DOCK3: variants seen among roughly 807,000 people sequenced by gnomAD.
DOCK3 encodes the protein dedicator of cytokinesis protein 3.
Under a neutral mutation model 265.6 loss-of-function variants are expected in DOCK3, and 60 were observed. That is an observed-to-expected ratio of 0.23 (90% confidence interval 0.18 to 0.28). The LOEUF is 0.28. Ranked by LOEUF, DOCK3 falls within the 10% of genes least tolerant of loss-of-function variation. DOCK3 has a pLI of 1.00. For missense variants in DOCK3, 1,981 were observed against 2,594.3 expected, an observed-to-expected ratio of 0.76 and a Z score of 5.14; for synonymous variants, 881 against 938.0, an observed-to-expected ratio of 0.94 and a Z score of 1.11.
intron 21 of DOCK3, among the ~76,000 whole-genome samples, chr3:51,241,345 C>G (rs56052360): frequency 0.07 from 10,611 of 152,184 alleles, 943 homozygotes; most frequent in East Asian, 0.32. Context: ...CTCTAAATGC[C>G]TTTAACATTT....
chr3:51,336,948 C>G (rs1560459979), intron 35 of DOCK3: 2 of 453,348 alleles, frequency 4.4e-6, no homozygotes, highest in South Asian at 3.1e-5. Flanking sequence ...ATGCCTTCTA[C>G]CATTGTGTGG....
At chr3:50,855,654 CTTATTTAT>C (rs562663180) in intron 3 of DOCK3, among the ~76,000 whole-genome samples, 65 of 151,888 alleles carry the variant, frequency 4.3e-4, no homozygotes, top group Admixed American at 2.3e-3. Context: ...CCTTTTATTT[CTTATTTAT>C]TTATTTATTT....
intron 5 of DOCK3, among the ~76,000 whole-genome samples, chr3:51,024,432 C>T (rs961848146): frequency 6.6e-6 from 1 of 152,098 alleles, no homozygotes; most frequent in African/African-American, 2.4e-5. Flanking sequence ...ATGTAATACC[C>T]AATGGTGGGC....
In DOCK3 at chr3:51,239,572, TTG is replaced by T. The variant is rs2078511572; in HGVS notation, c.2102+1984_2102+1985del. On this transcript the variant is annotated intron_variant, in intron 21 of 52. Coordinates refer to ENST00000266037, the MANE Select transcript of DOCK3 (RefSeq NM_004947.5). ...GGTCCTGGGTTTTTTTTTTGTTTGT[TTG>T]TTTTTTGTTTTTTTTGTTTTTTTTT... 4.0e-5 allele frequency among the ~76,000 whole-genome samples: 5 copies of T among 125,514 alleles called. No homozygotes were observed. In the South Asian group the frequency reaches 1.2e-3, roughly 30 times the overall value. The allele number at this position is 125,514 out of a possible 152,430, so 82.3% of individuals were successfully genotyped here. A position where few individuals can be genotyped will look rare whatever the true frequency, so the allele number is the denominator to read the frequency against.
At chr3:51,365,367 T>C (rs1423574087) in intron 49 of DOCK3, among the ~76,000 whole-genome samples, 4 of 152,332 alleles carry the variant, frequency 2.6e-5, no homozygotes, top group East Asian at 1.9e-4. Flanking sequence ...AGTTGCTTAT[T>C]AGCTTAAGGA....
chr3:50,986,592 G>A (rs1031612476), intron 5 of DOCK3, among the ~76,000 whole-genome samples: 5 of 152,104 alleles, frequency 3.3e-5, no homozygotes, highest in African/African-American at 9.7e-5. Flanking sequence ...ATTATAGTTT[G>A]CATTGCTTTT....
chr3:50,704,757 G>C (rs6784819), intron 1 of DOCK3, among the ~76,000 whole-genome samples: 145,101 of 152,088 alleles, frequency 0.95, 69,636 homozygotes, highest in East Asian at 1. Context: ...TCCTGAGTAA[G>C]TGGGATTACA....
At chr3:50,701,775 C>A (rs1172854926) in intron 1 of DOCK3, among the ~76,000 whole-genome samples, 1 of 152,148 alleles carries the variant, frequency 6.6e-6, no homozygotes, top group Non-Finnish European at 1.5e-5. Flanking sequence ...TTTCATTCTT[C>A]TACATATTGA....
intron 9 of DOCK3, among the ~76,000 whole-genome samples, chr3:51,133,374 TC>T (rs2084649315): frequency 7.0e-6 from 1 of 143,330 alleles, no homozygotes; most frequent in Non-Finnish European, 1.5e-5. Context: ...CCAAGTGTTT[TC>T]ATTGCTCAAT....
intron 2 of DOCK3, among the ~76,000 whole-genome samples, chr3:50,822,854 C>G (rs993515706): frequency 6.6e-6 from 1 of 152,146 alleles, no homozygotes; most frequent in Non-Finnish European, 1.5e-5. Flanking sequence ...CTGCCACTTA[C>G]TAATGACACT....
At chr3:51,061,583 G>A (rs2081412317) in intron 5 of DOCK3, among the ~76,000 whole-genome samples, 1 of 151,708 alleles carries the variant, frequency 6.6e-6, no homozygotes, top group Non-Finnish European at 1.5e-5. Context: ...GAGGGGGGAG[G>A]GATAGCATTT....
chr3:50,753,860 G>A (rs2039989387), intron 1 of DOCK3, among the ~76,000 whole-genome samples: 1 of 152,072 alleles, frequency 6.6e-6, no homozygotes, highest in Non-Finnish European at 1.5e-5. Flanking sequence ...CTTTGAAGTT[G>A]CATTTTCCTT....
At chr3:50,909,672 TG>T (rs2049760757) in intron 4 of DOCK3, among the ~76,000 whole-genome samples, 1 of 149,332 alleles carries the variant, frequency 6.7e-6, no homozygotes, top group South Asian at 2.1e-4. Flanking sequence ...ATTTTGACCT[TG>T]GAGAATCTGA....
At chr3:50,943,859 A>G (rs1238160279) in intron 5 of DOCK3, among the ~76,000 whole-genome samples, 1 of 152,116 alleles carries the variant, frequency 6.6e-6, no homozygotes, top group Admixed American at 6.5e-5. Flanking sequence ...GGGTCTATCC[A>G]CTTCTATGAT....
intron 2 of DOCK3, among the ~76,000 whole-genome samples, chr3:50,803,027 C>CTTTT (rs148585810): frequency 6.8e-6 from 1 of 147,126 alleles, no homozygotes; most frequent in Non-Finnish European, 1.5e-5. Context: ...TACAGAAATT[C>CTTTT]TTTTTTTTTT....
chr3:50,909,320 G>A (rs762625726), intron 4 of DOCK3, among the ~76,000 whole-genome samples: 1 of 151,962 alleles, frequency 6.6e-6, no homozygotes, highest in African/African-American at 2.4e-5. Flanking sequence ...CTGTTCTTCT[G>A]TGTACTTCAG....
intron 5 of DOCK3, among the ~76,000 whole-genome samples, chr3:51,061,845 C>G (rs1432712544): frequency 6.6e-6 from 1 of 152,156 alleles, no homozygotes; most frequent in East Asian, 1.9e-4. Context: ...CTTTCCTAAC[C>G]TCTGAATGTT....
chr3:50,785,741 A>G (rs555943067), intron 2 of DOCK3, among the ~76,000 whole-genome samples: 8 of 152,256 alleles, frequency 5.3e-5, no homozygotes, highest in Non-Finnish European at 8.8e-5. Context: ...TTTTACATCT[A>G]TGTTCATCAA....
intron 12 of DOCK3, among the ~76,000 whole-genome samples, chr3:51,199,869 G>A (rs903671327): frequency 3.3e-5 from 5 of 152,112 alleles, no homozygotes; most frequent in African/African-American, 4.8e-5. Context: ...CAGCATTCGC[G>A]GTTCACGAAA....
Sources: gnomAD v4.1 joint callset for allele counts (sites outside exome capture counted in the v4.1 genomes callset) on GRCh38, gnomAD v4.1.1 for gene constraint, MANE v1.5 for transcripts, NCBI Gene and HGNC (gene_info 2026-07-23, HGNC 2026-07-21) for gene names.